RYR2: variants seen among roughly 807,000 people sequenced by gnomAD.
The protein encoded by RYR2 is ryanodine receptor 2.
In RYR2, 227 loss-of-function variants were observed where a neutral mutation model predicts 601.1. That is an observed-to-expected ratio of 0.38 (90% CI 0.34 to 0.42). The LOEUF is 0.42. Among genes scored for constraint, RYR2 ranks in the 10% least tolerant of loss-of-function variants. RYR2 has a pLI of 1.00. For missense variants in RYR2, 4,646 were observed against 6,156.5 expected (o/e 0.75, Z 8.21); for synonymous variants, 2,223 against 2,175.1 (o/e 1.02, Z -0.61).
chr1:237,267,310 G>A (rs1158919559), intron 1 of RYR2, among the ~76,000 whole-genome samples: 2 of 152,182 alleles, frequency 1.3e-5, no homozygotes, highest in African/African-American at 4.8e-5. Flanking sequence ...CCTGAGCTCA[G>A]GAGTTCGAGA....
In RYR2 at chr1:237,614,484, A is replaced by G. The variant is rs1294863861; in HGVS notation, c.5356A>G (p.Ile1786Val). 4.3e-6 allele frequency: 7 copies of G among 1,613,952 alleles called. No individual in the cohort carries two copies. The highest frequency in any genetic ancestry group is 4.2e-6 in the Non-Finnish European group (5 of 1,179,894). Reference sequence around the variant, plus strand: ...GTACAGTCCAGAGTTCCCACTGGACATCCTCAAGTCCAAAACCATACAGAT... The same window carrying G: ...GTACAGTCCAGAGTTCCCACTGGACGTCCTCAAGTCCAAAACCATACAGAT... ...YQYSPEFPLD[I>V]LKSKTIQMLT... The change falls in exon 37 of 105, where the codon ATC becomes GTC. Residue 1786 changes from isoleucine (I) to valine (V), a missense_variant. Coordinates refer to ENST00000366574, the MANE Select transcript of RYR2 (RefSeq NM_001035.3). This position sits in a 1 kb window ranked among gnomAD's most constrained non-coding sequence, Gnocchi z 4.3.
At chr1:237,546,423 G>C (rs1185744027) in intron 25 of RYR2, among the ~76,000 whole-genome samples, 1 of 152,046 alleles carries the variant, frequency 6.6e-6, no homozygotes, top group Non-Finnish European at 1.5e-5. Context: ...TGTCACCCAG[G>C]CCAGAGTGCA....
At chr1:237,541,259 A>G (rs1226582354) in intron 25 of RYR2, among the ~76,000 whole-genome samples, 1 of 152,192 alleles carries the variant, frequency 6.6e-6, no homozygotes, top group Non-Finnish European at 1.5e-5. Context: ...ATTTAAATCC[A>G]ATGAGCCTTG....
chr1:237,549,076 G>T (rs572047385), intron 26 of RYR2, among the ~76,000 whole-genome samples: 2 of 152,090 alleles, frequency 1.3e-5, no homozygotes, highest in South Asian at 4.1e-4. Context: ...AATTCATTCC[G>T]CACAAGGGAG....
At chr1:237,518,710 G>T (rs561379765) in intron 24 of RYR2, among the ~76,000 whole-genome samples, 2 of 152,132 alleles carry the variant, frequency 1.3e-5, no homozygotes, top group East Asian at 3.8e-4. Context: ...GAATAGTGCC[G>T]CAATAAACAT....
chr1:237,309,792 C>T (rs1023097256), intron 2 of RYR2, among the ~76,000 whole-genome samples: 7 of 152,194 alleles, frequency 4.6e-5, no homozygotes, highest in Non-Finnish European at 7.4e-5. Context: ...AGCTGAGGCC[C>T]GGCGAGAATT....
At chr1:237,520,369 C>T (rs1666970048) in intron 24 of RYR2, among the ~76,000 whole-genome samples, 2 of 152,138 alleles carry the variant, frequency 1.3e-5, no homozygotes, top group South Asian at 2.1e-4. Flanking sequence ...AAGTAAATAT[C>T]CTTGTTTTGT....
chr1:237,800,910 A>G (rs1173627500), intron 97 of RYR2, among the ~76,000 whole-genome samples: 1 of 152,180 alleles, frequency 6.6e-6, no homozygotes, highest in East Asian at 1.9e-4. Flanking sequence ...ACCAGCACCC[A>G]CAACTGTAAG....
In RYR2 at chr1:237,469,196, T is replaced by A. The variant is rs1660412147; in HGVS notation, c.1708+9T>A. ...ACTGGAAGCTTCTTCAGGTATGTTT[T>A]CTAGTTTTTTCCTTGTTGTGATAGA... On this transcript the variant is annotated intron_variant, in intron 17 of 104. Transcript: ENST00000366574. 1 of 1,590,002 alleles carries A rather than the reference T, an allele frequency of 6.3e-7. No individual in the cohort carries two copies. Among genetic ancestry groups the A allele is most frequent in the Admixed American group, 1.7e-5 (1 of 58,034 alleles).
intron 10 of RYR2, among the ~76,000 whole-genome samples, chr1:237,407,355 C>G (rs899191482): frequency 2.0e-5 from 3 of 152,052 alleles, no homozygotes; most frequent in Admixed American, 6.6e-5. Context: ...GTATGTTTAG[C>G]TTTTTAAGAA....
At chr1:237,410,809 G>T (rs1005206200) in intron 10 of RYR2, among the ~76,000 whole-genome samples, 1 of 152,136 alleles carries the variant, frequency 6.6e-6, no homozygotes, top group Admixed American at 6.6e-5. Context: ...CAGTAAGGGT[G>T]ACAAAGCAGG....
At chr1:237,221,749 T>G (rs1683822471) in intron 1 of RYR2, among the ~76,000 whole-genome samples, 1 of 152,148 alleles carries the variant, frequency 6.6e-6, no homozygotes, top group Admixed American at 6.5e-5. Context: ...GTTTTACCTC[T>G]TTATCAAGGG....
chr1:237,148,529 T>TATATATATATATATATACACACAC (rs1558319890), intron 1 of RYR2, among the ~76,000 whole-genome samples: 6 of 42,534 alleles, frequency 1.4e-4, no homozygotes, highest in African/African-American at 5.4e-4. Context: ...AAAAAAAAAA[T>TATATATATATATATATACACACAC]ATATATATAT....
intron 8 of RYR2, among the ~76,000 whole-genome samples, chr1:237,381,848 G>C (rs1324350962): frequency 2.0e-5 from 3 of 152,084 alleles, no homozygotes; most frequent in Non-Finnish European, 4.4e-5. Context: ...CATTTTTGCT[G>C]TTTTATGTTC....
At chr1:237,349,895 A>G (rs1245621160) in intron 3 of RYR2, among the ~76,000 whole-genome samples, 1 of 152,158 alleles carries the variant, frequency 6.6e-6, no homozygotes, top group Non-Finnish European at 1.5e-5. Context: ...CTTAAATTAG[A>G]TTATGGTGAT....
intron 48 of RYR2, among the ~76,000 whole-genome samples, chr1:237,646,001 C>T (rs987533711): frequency 4.0e-5 from 6 of 151,390 alleles, no homozygotes; most frequent in African/African-American, 4.8e-5. Flanking sequence ...TTCAGCCTCC[C>T]GAGTAGCTGG....
chr1:237,253,682 AC>A (rs1320144622), intron 1 of RYR2, among the ~76,000 whole-genome samples: 3 of 152,116 alleles, frequency 2.0e-5, no homozygotes, highest in East Asian at 1.9e-4. Context: ...GTACAACCTA[AC>A]TTTTATCAGG....
At chr1:237,349,980 A>T (rs1698618506) in intron 3 of RYR2, among the ~76,000 whole-genome samples, 1 of 152,148 alleles carries the variant, frequency 6.6e-6, no homozygotes, top group Non-Finnish European at 1.5e-5. Context: ...ATGATATGTA[A>T]ATTATATTTC....
At chr1:237,367,721 T>G (rs16835174) in intron 5 of RYR2, among the ~76,000 whole-genome samples, 55,710 of 151,934 alleles carry the variant, frequency 0.37, 10,687 homozygotes, top group African/African-American at 0.45. Flanking sequence ...ATTTTATAAT[T>G]CCTGTGAAGT....
Sources: allele counts gnomAD v4.1 joint callset (sites outside exome capture counted in the v4.1 genomes callset), GRCh38; gene constraint gnomAD v4.1.1; non-coding constraint Gnocchi (gnomAD v3.1); transcripts MANE v1.5; gene names NCBI Gene and HGNC (gene_info 2026-07-23, HGNC 2026-07-21).